PSD3: variants seen among roughly 807,000 people sequenced by gnomAD.
The protein encoded by PSD3 is PH and SEC7 domain-containing protein 3.
In PSD3, 49 loss-of-function variants were observed where a neutral mutation model predicts 105.5. The observed-to-expected ratio is 0.46, with a 90% CI of 0.37 to 0.59. The LOEUF is 0.59. PSD3 is among the 20% of genes least tolerant of loss of function. The pLI is 0.00. For synonymous variants in PSD3, 557 were observed against 457.8 expected (o/e 1.22, Z -2.77); for missense variants, 1,561 against 1,263.8 (o/e 1.24, Z -3.57).
At chr8:18,801,680 A>C (rs1364574144) in intron 6 of PSD3, among the ~76,000 whole-genome samples, 1 of 152,106 alleles carries the variant, frequency 6.6e-6, no homozygotes, top group East Asian at 1.9e-4. Context: ...AAATACAAAA[A>C]TTAGCCGGGC....
intron 4 of PSD3, among the ~76,000 whole-genome samples, chr8:18,863,567 T>C (rs1816610908): frequency 6.6e-6 from 1 of 152,250 alleles, no homozygotes; most frequent in Non-Finnish European, 1.5e-5. Context: ...GGAGAATGCA[T>C]TAGGCTGGTG....
intron 9 of PSD3, among the ~76,000 whole-genome samples, chr8:18,751,227 CG>C (rs1805462618): frequency 6.6e-6 from 1 of 152,174 alleles, no homozygotes; most frequent in African/African-American, 2.4e-5. Flanking sequence ...TCGAGCACAG[CG>C]CTGGTGGGCC....
intron 1 of PSD3, among the ~76,000 whole-genome samples, chr8:18,966,606 C>A (rs984955995): frequency 1.3e-5 from 2 of 150,488 alleles, no homozygotes; most frequent in Non-Finnish European, 3.0e-5. Flanking sequence ...CAAATAGAGT[C>A]ATTTTTAAAA....
chr8:18,719,927 C>A (rs1015274754), intron 9 of PSD3, among the ~76,000 whole-genome samples: 52 of 152,080 alleles, frequency 3.4e-4, no homozygotes, highest in African/African-American at 1.3e-3. Context: ...TTAAAGAATA[C>A]CAACCAGGCC....
chr8:19,043,722 C>T (rs1407860066), intron 1 of PSD3, among the ~76,000 whole-genome samples: 1 of 152,120 alleles, frequency 6.6e-6, no homozygotes, highest in African/African-American at 2.4e-5. Context: ...AGAGTAGGCT[C>T]CTTCTTTTGC....
chr8:18,985,239 T>C (rs1448921493), intron 1 of PSD3, among the ~76,000 whole-genome samples: 3 of 152,160 alleles, frequency 2.0e-5, no homozygotes, highest in Admixed American at 6.5e-5. Context: ...CGGTCATCCT[T>C]TGCTTTTATA....
intron 10 of PSD3, among the ~76,000 whole-genome samples, chr8:18,636,690 G>A (rs1442800813): frequency 6.6e-6 from 1 of 152,100 alleles, no homozygotes; most frequent in Non-Finnish European, 1.5e-5. Context: ...ATTTGTTGCT[G>A]TTCATTTTTT....
At chr8:19,068,268 T>C (rs898389491) in intron 1 of PSD3, among the ~76,000 whole-genome samples, 1 of 151,538 alleles carries the variant, frequency 6.6e-6, no homozygotes, top group African/African-American at 2.4e-5. Context: ...TGGCCTTTCT[T>C]CTCGCTCTAC....
intron 8 of PSD3, among the ~76,000 whole-genome samples, chr8:18,784,219 G>A (rs1218139320): frequency 1.3e-5 from 2 of 152,010 alleles, no homozygotes; most frequent in African/African-American, 2.4e-5. Flanking sequence ...TGTTGATATC[G>A]TGCGTGGTGA....
chr8:18,610,860 C>G (rs542258382), intron 11 of PSD3, among the ~76,000 whole-genome samples: 2 of 152,266 alleles, frequency 1.3e-5, no homozygotes, highest in South Asian at 4.1e-4. Flanking sequence ...GAGCTAGGCA[C>G]TTAGATTTTA....
intron 14 of PSD3, among the ~76,000 whole-genome samples, chr8:18,556,683 G>C (rs949044035): frequency 5.9e-5 from 9 of 152,198 alleles, no homozygotes; most frequent in Admixed American, 5.9e-4. Flanking sequence ...CAGCTGAACA[G>C]TTAAGCAGCT....
intron 9 of PSD3, among the ~76,000 whole-genome samples, chr8:18,678,629 T>A (rs972954915): frequency 6.6e-6 from 1 of 152,168 alleles, no homozygotes; most frequent in African/African-American, 2.4e-5. Flanking sequence ...CCGACAAACA[T>A]GGAGAAACTC....
intron 1 of PSD3, among the ~76,000 whole-genome samples, chr8:19,010,462 G>A (rs958684154): frequency 4.6e-5 from 7 of 152,160 alleles, no homozygotes; most frequent in African/African-American, 1.7e-4. Context: ...GTTGAGTTAT[G>A]CCTTATTTTC....
At chr8:18,841,825 C>A (rs1814650743) in intron 4 of PSD3, among the ~76,000 whole-genome samples, 1 of 152,062 alleles carries the variant, frequency 6.6e-6, no homozygotes, top group African/African-American at 2.4e-5. Context: ...ATGAGGATGA[C>A]AAAATGAATC....
intron 9 of PSD3, among the ~76,000 whole-genome samples, chr8:18,699,366 C>G (rs1011084921): frequency 6.6e-6 from 1 of 152,220 alleles, no homozygotes; most frequent in Non-Finnish European, 1.5e-5. Context: ...AAGAAACAAA[C>G]TTATACTGTG....
chr8:18,954,941 C>T (rs997820791), intron 1 of PSD3, among the ~76,000 whole-genome samples: 6 of 152,116 alleles, frequency 3.9e-5, no homozygotes, highest in African/African-American at 1.4e-4. Context: ...TTAGGATGGA[C>T]AGACGCCAAA....
chr8:18,684,036 A>T (rs1800523013), intron 9 of PSD3: 1 of 653,250 alleles, frequency 1.5e-6, no homozygotes, highest in Non-Finnish European at 2.8e-6. Context: ...GTGCCTGAGC[A>T]GCTCCTGAGC....
At chr8:18,965,590 G>C (rs1194852239) in intron 1 of PSD3, among the ~76,000 whole-genome samples, 1 of 152,168 alleles carries the variant, frequency 6.6e-6, no homozygotes. Flanking sequence ...TTACAGCCTA[G>C]AGTTATTGAA....
chr8:18,830,674 C>G (rs73666730), intron 4 of PSD3, among the ~76,000 whole-genome samples: 1 of 152,134 alleles, frequency 6.6e-6, no homozygotes, highest in African/African-American at 2.4e-5. Flanking sequence ...ACAACATGGT[C>G]GCGAAAGGAG....
Sources: allele counts gnomAD v4.1 joint callset (sites outside exome capture counted in the v4.1 genomes callset), GRCh38; gene constraint gnomAD v4.1.1; transcripts MANE v1.5; gene names NCBI Gene and HGNC (gene_info 2026-07-23, HGNC 2026-07-21).